Variants in CDH23 observed in about 807,000 individuals in gnomAD.
CDH23 encodes cadherin related 23.
In CDH23, 189 loss-of-function variants were observed where a neutral mutation model predicts 317.1. That is an observed-to-expected ratio of 0.60 (90% confidence interval 0.53 to 0.67). CDH23 has a LOEUF of 0.67. Among genes scored for constraint, CDH23 ranks in the 30% least tolerant of loss-of-function variants. CDH23 has a pLI of 0.00. For synonymous variants in CDH23, 1,839 were observed against 1,876.8 expected (o/e 0.98, Z 0.52); for missense variants, 4,401 against 4,592.4 (o/e 0.96, Z 1.20).
rs977140914 is a variant in CDH23, at chr10:71,690,547, G to A, written c.2139G>A (p.Leu713=). The change falls in exon 20 of 70, where the codon TTG becomes TTA. Residue 713 remains leucine (L), a synonymous_variant. Coordinates refer to ENST00000224721, the MANE Select transcript of CDH23 (RefSeq NM_022124.6). ...GCCAGGAGTCCATCATCTACTCCTT[G>A]GAAGGCTCCACCCAGTTTCGGATCA... The part of the protein sequence containing the change: ...EYGQESIIYS[L]EGSTQFRINA... 8 of 1,609,186 alleles carry A rather than the reference G, an allele frequency of 5.0e-6. No individual in the cohort carries two copies.
intron 51 of CDH23, 30 bp downstream of exon 51, chr10:71,799,310 G>A (rs755631712): frequency 7.4e-6 from 12 of 1,613,910 alleles, no homozygotes; most frequent in South Asian, 1.1e-5. Flanking sequence ...GCTGGGTCCA[G>A]GACCTGCGCC....
rs775371114 is a variant in CDH23 at position 71,809,922 on chromosome 10, A to G, written c.8825A>G (p.Asp2942Gly). ...IVARDLAGHN[D>G]TAIIGIYILR... ...GCCCGAGACCTGGCAGGCCACAACG[A>G]CACGGCCATCATCGGCATCTACATC... is the stretch of plus-strand genomic sequence containing the variant. Residue 2942 changes from aspartate (D) to glycine (G), a missense_variant, in exon 61 of 70, where the codon GAC (aspartate) becomes GGC (glycine). This residue lies in a region of CDH23 where 1,144 missense variants were observed against 1,138.2 expected (regional missense o/e 1.01). Coordinates refer to ENST00000224721, the MANE Select transcript of CDH23 (RefSeq NM_022124.6). 4 of 1,612,924 alleles carry G rather than the reference A, an allele frequency of 2.5e-6. No homozygotes were observed. The Admixed American group carries it at 6.7e-5, about 27-fold the overall frequency.
intron 1 of CDH23, among the ~76,000 whole-genome samples, chr10:71,420,415 GGTGATGGTGATGA>G (rs1848706063): frequency 6.8e-6 from 1 of 147,324 alleles, no homozygotes; most frequent in Non-Finnish European, 1.5e-5. Flanking sequence ...TGATGATGAT[GGTGATGGTGATGA>G]TGATGATGAT....
chr10:71,718,038 G>A (rs1334982666), intron 28 of CDH23: 1 of 152,168 alleles, frequency 6.6e-6, no homozygotes, highest in East Asian at 1.9e-4. Flanking sequence ...AATCCCAGGG[G>A]GTCTGATAAA....
chr10:71,490,457 G>A (rs1232355083), intron 3 of CDH23, among the ~76,000 whole-genome samples: 1 of 152,172 alleles, frequency 6.6e-6, no homozygotes. Flanking sequence ...CTCCGTAAAC[G>A]TTAATTGAGT....
At chr10:71,647,173 T>C in intron 14 of CDH23, 9 of 854,454 alleles carry the variant, frequency 1.1e-5, no homozygotes, top group Middle Eastern at 6.0e-4. Context: ...AAAGTATAAG[T>C]GATTTCAGGC....
chr10:71,466,254 G>A (rs1851248818), intron 3 of CDH23, among the ~76,000 whole-genome samples: 1 of 150,622 alleles, frequency 6.6e-6, no homozygotes, highest in African/African-American at 2.5e-5. Flanking sequence ...ATACACACAT[G>A]TTAGTGTGCC....
chr10:71,769,735 A>G (rs1265078774), intron 38 of CDH23, among the ~76,000 whole-genome samples: 3 of 152,244 alleles, frequency 2.0e-5, no homozygotes, highest in Admixed American at 1.3e-4. Context: ...ATAAGATCCT[A>G]CGCAGAAAGG....
intron 3 of CDH23, among the ~76,000 whole-genome samples, chr10:71,463,286 T>C (rs148352591): frequency 9.2e-4 from 140 of 152,252 alleles, no homozygotes; most frequent in African/African-American, 3.2e-3. Flanking sequence ...GTACCCTCAT[T>C]TGGTGAGATG....
rs1257645440 is a variant in CDH23 at position 71,812,519 on chromosome 10, G to A, written c.9420G>A (p.Leu3140=). The stretch of plus-strand genomic sequence containing the variant: ...GGCTGGATCCCTTCTGTCGGAACCT[G>A]GAGCTGGCCGCCCAGGCGGAGCATG... ...PVWLDPFCRN[L]ELAAQAEHED... is the part of the protein sequence containing the mutation. The change falls in exon 67 of 70, where the codon CTG becomes CTA. Residue 3140 remains leucine, a synonymous_variant. Transcript: ENST00000224721. 1.3e-6 allele frequency: 2 copies of A among 1,591,998 alleles called. No homozygotes were observed. Among genetic ancestry groups the A allele is most frequent in the South Asian group, 2.2e-5 (2 of 90,812 alleles).
chr10:71,665,818 T>C (rs931708374), intron 14 of CDH23, among the ~76,000 whole-genome samples: 5 of 152,182 alleles, frequency 3.3e-5, no homozygotes, highest in African/African-American at 1.2e-4. Context: ...ACAAATCCCT[T>C]TGGAGGCTTT....
intron 18 of CDH23, 41 bp from the exon 19 acceptor site, chr10:71,687,606 C>T (rs373778837): frequency 1.5e-5 from 24 of 1,593,992 alleles, no homozygotes; most frequent in Non-Finnish European, 2.1e-5. Context: ...AGCCCACCTG[C>T]CTCCCTGCAG....
At chr10:71,767,537 G>C (rs759664479) in intron 38 of CDH23, among the ~76,000 whole-genome samples, 88 of 152,230 alleles carry the variant, frequency 5.8e-4, no homozygotes, top group Admixed American at 2.5e-3. Context: ...CTCCCCGCCA[G>C]GCCCCATCCC....
intron 69 of CDH23, among the ~76,000 whole-genome samples, chr10:71,813,561 T>C (rs1401118124): frequency 6.6e-6 from 1 of 152,158 alleles, no homozygotes; most frequent in Non-Finnish European, 1.5e-5. Context: ...TAAGGCAGTC[T>C]TTCTCTGATT....
At position 71,708,743 on chromosome 10, in the gene CDH23, G is replaced by A. The variant is rs1012449103; in HGVS notation, c.3107-355G>A. Among the ~76,000 whole-genome samples the A allele has an allele frequency of 5.9e-5, 9 of 152,358 alleles. No homozygotes were observed. The East Asian group carries it at 1.5e-3, about 26-fold the overall frequency. On this transcript the variant is annotated intron_variant, in intron 26 of 69. Transcript: ENST00000224721. ...CTGCAGGACGGGCAGGGAGCAGAGG[G>A]GTGAAGGATAAGCCCAGGGACCCAC...
At position 71,563,746 on chromosome 10, in the gene CDH23, CTTTTTTT is replaced by C. The variant is rs374816063; in HGVS notation, c.430-2989_430-2983del. Among the ~76,000 whole-genome samples, 7 of 139,832 alleles carry C rather than the reference CTTTTTTT, an allele frequency of 5.0e-5. No individual in the cohort carries two copies. The South Asian group carries it at 1.6e-3, about 32-fold the overall frequency. 91.7% of individuals were successfully genotyped at this position (139,832 alleles called of 152,430 possible). On this transcript the variant is annotated intron_variant, in intron 6 of 69. Coordinates refer to ENST00000224721, the MANE Select transcript of CDH23 (RefSeq NM_022124.6). ...TTATAATACTTTTTTTTTCTTTTTT[CTTTTTTT>C]TTTTTTCTTTTTTGAGACGGAGTCT...
rs1321272819 is a variant in CDH23, at chr10:71,793,512, A to G, written c.6584A>G (p.Asn2195Ser). 1 of 1,614,002 alleles carries G rather than the reference A, an allele frequency of 6.2e-7. No homozygotes were observed. ...GCTGAGCCAGGCACTGTCATTGCCA[A>G]TATCACGGCCATTGACCACGACCTC... ...ESAEPGTVIA[N>S]ITAIDHDLNP... is the part of the protein sequence containing the mutation. The change falls in exon 48 of 70, where the codon AAT becomes AGT. Residue 2195 changes from asparagine (N) to serine (S), a missense_variant. By Grantham distance (46) the Asn-to-Ser change is conservative. Around this residue, in one of 3 missense-constraint regions of CDH23, gnomAD observed 3,068 missense variants for 3,203.3 expected, o/e 0.96. Coordinates refer to ENST00000224721, the MANE Select transcript of CDH23 (RefSeq NM_022124.6).
At position 71,785,022 on chromosome 10, in the gene CDH23, T is replaced by A. The variant is rs1489648669; in HGVS notation, c.5634T>A (p.Ala1878=). 1 of 1,613,972 alleles carries A rather than the reference T, an allele frequency of 6.2e-7. No homozygotes were observed. Among genetic ancestry groups the A allele is most frequent in the African/African-American group, 1.3e-5 (1 of 74,956 alleles). Residue 1878 remains alanine (A), a synonymous_variant, in exon 43 of 70, where the codon GCT becomes GCA. Transcript: ENST00000224721. ...SFVAHVLASD[A]DSGCNARLTF... ...TCGCCCATGTCCTGGCCAGTGACGC[T>A]GACAGTGGCTGCAATGCACGCCTCA...
chr10:71,791,550 T>C (rs1172504343), intron 47 of CDH23, among the ~76,000 whole-genome samples: 1 of 151,856 alleles, frequency 6.6e-6, no homozygotes, highest in African/African-American at 2.4e-5. Context: ...CAAGATTCTT[T>C]TTTCCTTTCT....
Sources: allele counts gnomAD v4.1 joint callset (sites outside exome capture counted in the v4.1 genomes callset), GRCh38; gene constraint gnomAD v4.1.1; regional missense constraint gnomAD v4.1.1; transcripts MANE v1.5; gene names NCBI Gene and HGNC (gene_info 2026-07-23, HGNC 2026-07-21).